The following FRMPD1 variants were observed in gnomAD, a reference collection of about 807,000 sequenced individuals.
The protein encoded by FRMPD1 is FERM and PDZ domain containing 1, also known as FERM and PDZ domain-containing protein 1.
In FRMPD1, 76 loss-of-function variants were observed where a neutral mutation model predicts 117.8. The ratio of observed to expected loss-of-function variants is 0.65; its 90% confidence interval spans 0.54 to 0.78. The LOEUF (loss-of-function observed/expected upper bound fraction) is 0.78. FRMPD1 is among the 30% of genes least tolerant of loss of function. The pLI is 0.00. For synonymous variants in FRMPD1, 783 were observed against 770.4 expected, an observed-to-expected ratio of 1.02 and a Z score of -0.27; for missense variants, 1,786 against 1,964.5, an observed-to-expected ratio of 0.91 and a Z score of 1.72.
chr9:37,679,839 A>C (rs12003200), intron 1 of FRMPD1, among the ~76,000 whole-genome samples: 8,474 of 152,278 alleles, frequency 0.056, 778 homozygotes, highest in African/African-American at 0.19. Context: ...CAAGGGGTTC[A>C]GCAGCCGCAG....
chr9:37,736,208 A>G (rs972431612), intron 13 of FRMPD1, among the ~76,000 whole-genome samples: 6 of 151,720 alleles, frequency 4.0e-5, no homozygotes, highest in Admixed American at 3.9e-4. Flanking sequence ...TCACTGTGTT[A>G]GCCAGGATGG....
At chr9:37,729,234 T>C (rs1423166872) in intron 7 of FRMPD1, among the ~76,000 whole-genome samples, 2 of 150,862 alleles carry the variant, frequency 1.3e-5, no homozygotes, top group Non-Finnish European at 3.0e-5. Flanking sequence ...AATACAAAAA[T>C]TAGCCAGGCA....
intron 1 of FRMPD1, among the ~76,000 whole-genome samples, chr9:37,675,200 A>ATCAC (rs1451165894): frequency 6.6e-6 from 1 of 152,114 alleles, no homozygotes; most frequent in Non-Finnish European, 1.5e-5. Context: ...AGGTGGTTGG[A>ATCAC]TCACTCTAAG....
Position 37,708,501 on chromosome 9 carries a change from G to C in FRMPD1, c.362G>C (p.Arg121Thr). Reference sequence around the variant, plus strand: ...TGGGAACGAGCAGTCGATATTCTCAGGTACTAAATGGTCTTCCATCATCTA... The same window carrying C: ...TGGGAACGAGCAGTCGATATTCTCACGTACTAAATGGTCTTCCATCATCTA... ...LSWERAVDIL[R>T]EAEDSLSITV... The change falls in exon 4 of 16, where the codon AGG (arginine) becomes ACG (threonine). Residue 121 changes from arginine to threonine, a missense_variant and splice_region_variant. By Grantham distance (71) the Arg-to-Thr change is moderately conservative. Coordinates refer to ENST00000377765, the MANE Select transcript of FRMPD1 (RefSeq NM_014907.3). The C allele has an allele frequency of 6.6e-7, 1 of 1,521,506 alleles. No homozygotes were observed. Among genetic ancestry groups the C allele is most frequent in the Non-Finnish European group, 9.1e-7 (1 of 1,095,356 alleles). 94.3% of individuals were successfully genotyped at this position (1,521,506 alleles called of 1,614,324 possible). A position where few individuals can be genotyped will look rare whatever the true frequency, so the allele number is the denominator to read the frequency against.
Position 37,745,986 on chromosome 9 carries a change from T to A in FRMPD1, c.3954T>A (p.Phe1318Leu). The A allele has an allele frequency of 6.2e-7, 1 of 1,614,244 alleles. No homozygotes were observed. Among genetic ancestry groups the A allele is most frequent in the Non-Finnish European group, 8.5e-7 (1 of 1,180,026 alleles). ...ASLRVATSLG[F>L]AGMNEMVAPR... ...TCAGGGTGGCCACATCTTTGGGTTT[T>A]GCAGGCATGAATGAGATGGTGGCTC... The change falls in exon 16 of 16, where the codon TTT (phenylalanine) becomes TTA (leucine). Residue 1318 changes from phenylalanine to leucine, a missense_variant. Coordinates refer to ENST00000377765, the MANE Select transcript of FRMPD1 (RefSeq NM_014907.3).
intron 15 of FRMPD1, among the ~76,000 whole-genome samples, chr9:37,743,449 A>G (rs534722080): frequency 6.7e-6 from 1 of 148,726 alleles, no homozygotes; most frequent in Admixed American, 6.7e-5. Flanking sequence ...GACAGCAACC[A>G]GGCTAAGAGT....
chr9:37,724,897 G>A (rs1194383837), intron 7 of FRMPD1, among the ~76,000 whole-genome samples: 1 of 152,216 alleles, frequency 6.6e-6, no homozygotes, highest in Non-Finnish European at 1.5e-5. Flanking sequence ...TAAGGGCCAA[G>A]TGCAAGGGGA....
At chr9:37,701,158 C>T (rs1169082276) in intron 2 of FRMPD1, among the ~76,000 whole-genome samples, 3 of 152,150 alleles carry the variant, frequency 2.0e-5, no homozygotes, top group African/African-American at 4.8e-5. Context: ...TGTGGAGGAC[C>T]GCACTCTGCC....
chr9:37,708,493 T>C lies in FRMPD1; in HGVS notation c.354T>C (p.Asp118=), dbSNP rs564950687. Reference sequence around the variant, plus strand: ...ACCTTTCCTGGGAACGAGCAGTCGATATTCTCAGGTACTAAATGGTCTTCC... The same window carrying C: ...ACCTTTCCTGGGAACGAGCAGTCGACATTCTCAGGTACTAAATGGTCTTCC... ...AEDLSWERAV[D]ILREAEDSLS... Residue 118 remains aspartate (D), a synonymous_variant, in exon 4 of 16, where the codon GAT becomes GAC. Coordinates refer to ENST00000377765, the MANE Select transcript of FRMPD1 (RefSeq NM_014907.3). 6.4e-7 allele frequency: 1 copy of C among 1,569,482 alleles called. No individual in the cohort carries two copies. The highest frequency in any genetic ancestry group is 8.8e-7 in the Non-Finnish European group (1 of 1,139,098).
chr9:37,636,844 C>G, the FRMPD1 span: 1 of 1,611,302 alleles, frequency 6.2e-7, no homozygotes, highest in Non-Finnish European at 8.5e-7. Flanking sequence ...TCTTGGCACT[C>G]GTCTCCAAGA....
At chr9:37,666,827 A>C (rs531839802) in intron 1 of FRMPD1, among the ~76,000 whole-genome samples, 2 of 152,194 alleles carry the variant, frequency 1.3e-5, no homozygotes, top group Non-Finnish European at 2.9e-5. Flanking sequence ...TCAGGCTAGC[A>C]GTCACCAGTT....
At chr9:37,633,684 A>C in the FRMPD1 span, among the ~76,000 whole-genome samples, 1 of 152,132 alleles carries the variant, frequency 6.6e-6, no homozygotes, top group Non-Finnish European at 1.5e-5. Flanking sequence ...ATATAGCAGG[A>C]CCCTGTCTCT....
chr9:37,745,115 C>A lies in FRMPD1; in HGVS notation c.3083C>A (p.Ala1028Asp). The change falls in exon 16 of 16, where the codon GCC becomes GAC. Residue 1028 changes from alanine to aspartate, a missense_variant. Coordinates refer to ENST00000377765, the MANE Select transcript of FRMPD1 (RefSeq NM_014907.3). ...CCTAACCCAGACAGAGCCTGCCTGG[C>A]CAGCAACCCAGGACTAAATAATGTC... is the stretch of plus-strand genomic sequence containing the variant. ...GDPNPDRACL[A>D]SNPGLNNVSQ... is the part of the protein sequence containing the mutation. 2 of 1,613,902 alleles carry A rather than the reference C, an allele frequency of 1.2e-6. No individual in the cohort carries two copies. The highest frequency in any genetic ancestry group is 1.7e-6 in the Non-Finnish European group (2 of 1,179,818).
chr9:37,604,511 C>T, the FRMPD1 span, among the ~76,000 whole-genome samples: 1 of 152,182 alleles, frequency 6.6e-6, no homozygotes, highest in African/African-American at 2.4e-5. Flanking sequence ...ACAAGGTATG[C>T]TTAGAAGCAG....
the FRMPD1 span, among the ~76,000 whole-genome samples, chr9:37,624,295 T>G: frequency 5.1e-4 from 77 of 152,306 alleles, 1 homozygote; most frequent in Admixed American, 7.2e-4. Flanking sequence ...CAAACTCACC[T>G]GAAATGTGAC....
intron 6 of FRMPD1, among the ~76,000 whole-genome samples, chr9:37,722,330 AT>A (rs1823434804): frequency 6.6e-6 from 1 of 151,414 alleles, no homozygotes; most frequent in African/African-American, 2.4e-5. Flanking sequence ...GAGAGAGATG[AT>A]TGTGAGTCTT....
At chr9:37,669,251 G>C (rs1821266312) in intron 1 of FRMPD1, among the ~76,000 whole-genome samples, 1 of 152,206 alleles carries the variant, frequency 6.6e-6, no homozygotes, top group Admixed American at 6.5e-5. Flanking sequence ...AAATGCCTAT[G>C]CCATATACCA....
the FRMPD1 span, chr9:37,637,426 T>C: frequency 2.8e-5 from 18 of 634,374 alleles, no homozygotes; most frequent in Admixed American, 1.9e-4. Flanking sequence ...TCACCCTTTT[T>C]AGTATACAGT....
intron 5 of FRMPD1, chr9:37,715,739 T>C (rs556552393): frequency 6.6e-6 from 3 of 456,064 alleles, no homozygotes; most frequent in South Asian, 4.7e-5. Flanking sequence ...GTAGCAGAGC[T>C]GATGTTCAGG....
Sources: allele counts gnomAD v4.1 joint callset (sites outside exome capture counted in the v4.1 genomes callset), GRCh38; gene constraint gnomAD v4.1.1; transcripts MANE v1.5; gene names NCBI Gene and HGNC (gene_info 2026-07-23, HGNC 2026-07-21).